The following PITPNM3 variants were observed in gnomAD, a reference collection of about 807,000 sequenced individuals.
PITPNM3 encodes the protein membrane-associated phosphatidylinositol transfer protein 3.
Under a neutral mutation model 102.0 loss-of-function variants are expected in PITPNM3, and 26 were observed. The observed-to-expected ratio is 0.25, with a 90% CI of 0.19 to 0.35. The LOEUF (loss-of-function observed/expected upper bound fraction) is 0.35, where lower values mean the gene tolerates loss of function less well. PITPNM3 is among the 10% of genes least tolerant of loss of function. The probability of loss-of-function intolerance (pLI) is 1.00; values close to 1 mark genes in which losing one functional copy is unlikely to be tolerated. For missense variants in PITPNM3, 1,083 were observed against 1,346.1 expected (o/e 0.80, Z 3.06); for synonymous variants, 578 against 558.6 (o/e 1.03, Z -0.49).
intron 3 of PITPNM3, among the ~76,000 whole-genome samples, chr17:6,505,663 A>C (rs9900431): frequency 0.61 from 92,696 of 152,090 alleles, 28,665 homozygotes; most frequent in Middle Eastern, 0.76. Flanking sequence ...CGTCCCTAAG[A>C]AGTCAACTTT....
chr17:6,533,411 G>A (rs996412572), intron 2 of PITPNM3, among the ~76,000 whole-genome samples: 1 of 152,104 alleles, frequency 6.6e-6, no homozygotes, highest in African/African-American at 2.4e-5. Context: ...ATCTGCTTTG[G>A]TGCAGCATTT....
chr17:6,468,421 T>C lies in PITPNM3; in HGVS notation c.1774-80A>G. On this transcript the variant is annotated intron_variant, in intron 13 of 19. Transcript: ENST00000262483. This position sits in a 1 kb window ranked among gnomAD's most constrained non-coding sequence, Gnocchi z 5.2. The stretch of plus-strand genomic sequence containing the variant: ...TCCCAGGGTGTCAGTGCCCACCAGC[T>C]TGTGGCCAGCTGGGCCCTGCCCCTG... The C allele has an allele frequency of 1.4e-6, 2 of 1,412,788 alleles. No homozygotes were observed. Among genetic ancestry groups the C allele is most frequent in the Admixed American group, 1.7e-5 (1 of 59,714 alleles). The allele number at this position is 1,412,788 out of a possible 1,614,324, so 87.5% of individuals were successfully genotyped here. A position where few individuals can be genotyped will look rare whatever the true frequency, so the allele number is the denominator to read the frequency against.
At chr17:6,543,337 T>C (rs566588144) in intron 1 of PITPNM3, among the ~76,000 whole-genome samples, 16 of 152,232 alleles carry the variant, frequency 1.1e-4, no homozygotes, top group Admixed American at 2.0e-4. Context: ...CTCAGGGACA[T>C]AGGACTAGGT....
In PITPNM3 at chr17:6,478,104, G is replaced by A; in HGVS notation, c.778-7C>T. The A allele has an allele frequency of 6.2e-7, 1 of 1,613,102 alleles. No individual in the cohort carries two copies. The highest frequency in any genetic ancestry group is 8.5e-7 in the Non-Finnish European group (1 of 1,180,042). On this transcript the variant is annotated splice_region_variant and splice_polypyrimidine_tract_variant and intron_variant, in intron 7 of 19. Coordinates refer to ENST00000262483, the MANE Select transcript of PITPNM3 (RefSeq NM_031220.4). The surrounding 1 kb of genome is among the most constrained non-coding windows in gnomAD (Gnocchi z 4.4). ...AGTCCCCGATGAGACACACCTGGAA[G>A]AGATGCAGCTGGGACTGCAGGCCTG... is the stretch of plus-strand genomic sequence containing the variant.
At chr17:6,492,266 T>C (rs1304471531) in intron 4 of PITPNM3, among the ~76,000 whole-genome samples, 2 of 152,000 alleles carry the variant, frequency 1.3e-5, no homozygotes, top group East Asian at 3.9e-4. Context: ...GGCTTCACCA[T>C]GTTGGCCAGG....
At chr17:6,491,584 G>T (rs1906488084) in intron 4 of PITPNM3, among the ~76,000 whole-genome samples, 1 of 152,130 alleles carries the variant, frequency 6.6e-6, no homozygotes, top group Non-Finnish European at 1.5e-5. Context: ...CCTGTCCCTA[G>T]GCAGCTCCTG....
intron 19 of PITPNM3, among the ~76,000 whole-genome samples, chr17:6,456,431 C>T (rs1243828160): frequency 2.6e-5 from 4 of 152,088 alleles, no homozygotes; most frequent in Admixed American, 2.0e-4. Flanking sequence ...CTGAGCCCTG[C>T]GACTGCCCTC....
rs148701525 is a variant in PITPNM3 at position 6,511,955 on chromosome 17, G to T, written c.227-8381C>A. Reference sequence around the variant, plus strand: ...GCGAGACTCCATCTCAAAAAAGAAAGGTCTGTGGCCAGTGATGGAGGCAGC... The same window carrying T: ...GCGAGACTCCATCTCAAAAAAGAAATGTCTGTGGCCAGTGATGGAGGCAGC... On this transcript the variant is annotated intron_variant, in intron 3 of 19. Transcript: ENST00000262483. Among the ~76,000 whole-genome samples, 637 of 152,236 alleles carry T rather than the reference G, an allele frequency of 4.2e-3. 1 individual carries two copies. The highest frequency in any genetic ancestry group is 4.2e-3 in the Non-Finnish European group (287 of 68,024).
intron 2 of PITPNM3, among the ~76,000 whole-genome samples, chr17:6,534,818 T>C (rs1909329028): frequency 2.6e-5 from 4 of 152,040 alleles, no homozygotes; most frequent in Admixed American, 2.6e-4. Flanking sequence ...ACGGCGGTTA[T>C]GGGCAGAGGA....
In PITPNM3 at chr17:6,451,702, GT is replaced by G. The variant is rs1567654029; in HGVS notation, c.*3635del. On this transcript the variant is annotated 3_prime_UTR_variant, in exon 20 of 20. Transcript: ENST00000262483. The stretch of plus-strand genomic sequence containing the variant: ...ATGCAGATTTTCCTCCCAACTGCCT[GT>G]TAGTGTCTCAACAAGGAGAGCAGAG... 2 of 152,212 alleles carry G rather than the reference GT, an allele frequency of 1.3e-5. No individual in the cohort carries two copies. The highest frequency in any genetic ancestry group is 3.2e-3 in the Middle Eastern group (1 of 316). The allele number at this position is 152,212 out of a possible 1,614,324, so 9.4% of individuals were successfully genotyped here.
intron 5 of PITPNM3, among the ~76,000 whole-genome samples, 182 bp from the exon 6 acceptor site, chr17:6,483,934 C>T (rs1304718230): frequency 6.6e-6 from 1 of 152,186 alleles, no homozygotes; most frequent in South Asian, 2.1e-4. Flanking sequence ...GAGGAGCAGT[C>T]TCAGCTCTAA....
rs201616582 is a variant in PITPNM3 at position 6,478,725 on chromosome 17, T to C, written c.599A>G (p.Tyr200Cys). The change falls in exon 7 of 20, where the codon TAC becomes TGC. Residue 200 changes from tyrosine to cysteine, a missense_variant. By Grantham distance (194) the Tyr-to-Cys change is radical. Transcript: ENST00000262483. This position sits in a 1 kb window ranked among gnomAD's most constrained non-coding sequence, Gnocchi z 4.4. The stretch of plus-strand genomic sequence containing the variant: ...GCTGAGGCAGCCCTCATCGTGGCTG[T>C]AGGGGTTCAGGCTGCAGACAGGGGG... ...AFSLVSHLNPYSHDEGCLSSS... is the reference protein window; with the variant it reads ...AFSLVSHLNPCSHDEGCLSSS... 6.3e-7 allele frequency: 1 copy of C among 1,578,558 alleles called. No individual in the cohort carries two copies. Among genetic ancestry groups the C allele is most frequent in the African/African-American group, 1.3e-5 (1 of 74,318 alleles).
At chr17:6,476,949 C>A in intron 9 of PITPNM3, 80 bp downstream of exon 9, 1 of 1,525,146 alleles carries the variant, frequency 6.6e-7, no homozygotes. Flanking sequence ...CATGGAAGGG[C>A]CTGGGACATC....
At chr17:6,476,484 G>C (rs1905304517) in intron 9 of PITPNM3, among the ~76,000 whole-genome samples, 1 of 152,218 alleles carries the variant, frequency 6.6e-6, no homozygotes, top group South Asian at 2.1e-4. Flanking sequence ...CAGTTCTGTA[G>C]AGGAGCCTGC....
At chr17:6,535,067 G>A (rs902045370) in intron 2 of PITPNM3, among the ~76,000 whole-genome samples, 1 of 152,096 alleles carries the variant, frequency 6.6e-6, no homozygotes, top group Non-Finnish European at 1.5e-5. Context: ...AGGGAGCTCT[G>A]GAGGCTCTGG....
chr17:6,509,556 C>G (rs1019624933), intron 3 of PITPNM3, among the ~76,000 whole-genome samples: 38 of 152,300 alleles, frequency 2.5e-4, no homozygotes, highest in African/African-American at 8.4e-4. Context: ...GGCCAGGCTC[C>G]GGGCCAGACT....
At chr17:6,461,096 T>G (rs182095601) in intron 18 of PITPNM3, 23 of 524,734 alleles carry the variant, frequency 4.4e-5, no homozygotes, top group African/African-American at 4.2e-4. Flanking sequence ...GTCTATTGGA[T>G]GAATGGCCAG....
intron 3 of PITPNM3, among the ~76,000 whole-genome samples, chr17:6,524,378 A>G (rs1473956640): frequency 4.6e-5 from 7 of 152,180 alleles, no homozygotes; most frequent in Admixed American, 4.6e-4. Context: ...CTTGAGGGTA[A>G]CAGGTACAGA....
At chr17:6,481,080 C>T (rs964692490) in intron 6 of PITPNM3, 9 of 152,320 alleles carry the variant, frequency 5.9e-5, no homozygotes, top group Admixed American at 2.6e-4. Flanking sequence ...AAGTCTCTCT[C>T]CCCAGCCCAC....
Sources: gnomAD v4.1 joint callset for allele counts (sites outside exome capture counted in the v4.1 genomes callset) on GRCh38, gnomAD v4.1.1 for gene constraint, Gnocchi (gnomAD v3.1) non-coding constraint, MANE v1.5 for transcripts, NCBI Gene and HGNC (gene_info 2026-07-23, HGNC 2026-07-21) for gene names.